RNF123: variants seen among roughly 807,000 people sequenced by gnomAD.
RNF123 encodes the protein E3 ubiquitin-protein ligase RNF123.
Under a neutral mutation model 168.5 loss-of-function variants are expected in RNF123, and 86 were observed. The observed-to-expected ratio is 0.51, with a 90% CI of 0.43 to 0.61. The LOEUF is 0.61. Ranked by LOEUF, RNF123 falls within the 20% of genes least tolerant of loss-of-function variation. The pLI, the probability that RNF123 is intolerant of heterozygous loss-of-function variation, is 0.00. For synonymous variants in RNF123, 666 were observed against 689.1 expected, an observed-to-expected ratio of 0.97 and a Z score of 0.52; for missense variants, 1,419 against 1,729.7, an observed-to-expected ratio of 0.82 and a Z score of 3.19.
chr3:49,713,300 G>A, intron 27 of RNF123: 2 of 601,362 alleles, frequency 3.3e-6, no homozygotes, highest in East Asian at 2.8e-5. Flanking sequence ...GCTCCTGCCA[G>A]GGCCTGTCAT....
At chr3:49,690,917 G>A (rs1190167426) in intron 1 of RNF123, among the ~76,000 whole-genome samples, 1 of 152,204 alleles carries the variant, frequency 6.6e-6, no homozygotes, top group Non-Finnish European at 1.5e-5. Context: ...CAGGGACACT[G>A]GAGAACAAGA....
At position 49,702,339 on chromosome 3, in the gene RNF123, A is replaced by C; in HGVS notation, c.1563A>C (p.Glu521Asp). ...LLDNKDDNGGEASRYIFLTKF... is the reference protein window; with the variant it reads ...LLDNKDDNGGDASRYIFLTKF... Reference sequence around the variant, plus strand: ...CACTTTTCCCTCTCTCAAAGGGTGAAGCTTCTAGGTATATCTTCCTGACCA... The same window carrying C: ...CACTTTTCCCTCTCTCAAAGGGTGACGCTTCTAGGTATATCTTCCTGACCA... Residue 521 changes from glutamate (E) to aspartate (D), a missense_variant, in exon 19 of 39, where the codon GAA becomes GAC. Physicochemically the swap from Glu to Asp is conservative, Grantham distance 45. Around this residue, in one of 5 missense-constraint regions of RNF123, gnomAD observed 349 missense variants for 344.9 expected, o/e 1.01. Coordinates refer to ENST00000327697, the MANE Select transcript of RNF123 (RefSeq NM_022064.5). 1 of 1,614,144 alleles carries C rather than the reference A, an allele frequency of 6.2e-7. No homozygotes were observed. Among genetic ancestry groups the C allele is most frequent in the Non-Finnish European group, 8.5e-7 (1 of 1,179,994 alleles).
At chr3:49,710,102 C>T (rs1037247374) in intron 26 of RNF123, among the ~76,000 whole-genome samples, 7 of 152,034 alleles carry the variant, frequency 4.6e-5, no homozygotes, top group Non-Finnish European at 7.4e-5. Flanking sequence ...TCCCAAAGTG[C>T]GGGGATTATA....
Position 49,691,266 on chromosome 3 carries a change from G to A in RNF123, c.82+19G>A. On this transcript the variant is annotated intron_variant, in intron 2 of 38. Coordinates refer to ENST00000327697, the MANE Select transcript of RNF123 (RefSeq NM_022064.5). Reference sequence around the variant, plus strand: ...GTCACAGGTAAGAGCTGGCAGGGAAGGAAGGAGGCTCCTCTTGTTGGGAGG... The same window carrying A: ...GTCACAGGTAAGAGCTGGCAGGGAAAGAAGGAGGCTCCTCTTGTTGGGAGG... 1.2e-6 allele frequency: 2 copies of A among 1,612,112 alleles called. No individual in the cohort carries two copies. The highest frequency in any genetic ancestry group is 1.7e-6 in the Non-Finnish European group (2 of 1,178,230).
rs186846417 is a variant in RNF123, at chr3:49,690,743, G to T, written c.-36-387G>T. On this transcript the variant is annotated intron_variant, in intron 1 of 38. Transcript: ENST00000327697. ...GTAGGATTGTCGCTTCTGGTTGTGA[G>T]CTGGACTCAGTATGGCTTACAACTG... 2.4e-4 allele frequency among the ~76,000 whole-genome samples: 37 copies of T among 152,364 alleles called. No homozygotes were observed. The East Asian group carries it at 6.2e-3, about 25-fold the overall frequency.
At chr3:49,706,192 AG>A in intron 25 of RNF123, 127 bp downstream of exon 25, 1 of 826,572 alleles carries the variant, frequency 1.2e-6, no homozygotes, top group Non-Finnish European at 2.0e-6. Context: ...ATAGCACGCC[AG>A]TGAGAGTGGG....
chr3:49,702,249 G>A, intron 18 of RNF123, 85 bp from the exon 19 acceptor site: 1 of 1,589,520 alleles, frequency 6.3e-7, no homozygotes, highest in Non-Finnish European at 8.6e-7. Flanking sequence ...CATGGCAGGG[G>A]CTGGGGGAAG....
rs768606593 is a variant in RNF123 at position 49,700,684 on chromosome 3, C to T, written c.1252C>T (p.Arg418Cys). 1.7e-5 allele frequency: 28 copies of T among 1,614,066 alleles called. No homozygotes were observed. Among genetic ancestry groups the T allele is most frequent in the Non-Finnish European group, 2.0e-5 (24 of 1,180,036 alleles). Residue 418 changes from arginine to cysteine, a missense_variant, in exon 15 of 39, where the codon CGC (arginine) becomes TGC (cysteine). By Grantham distance (180) the Arg-to-Cys change is radical. This residue lies in a region of RNF123 where 349 missense variants were observed against 344.9 expected (regional missense o/e 1.01). Coordinates refer to ENST00000327697, the MANE Select transcript of RNF123 (RefSeq NM_022064.5). ...CGCCATCCTGAGGCATGAGAAGTCC[C>T]GCAAGTTTCTGCTTAGCAATGTCCT... The part of the protein sequence containing the change: ...TIAILRHEKS[R>C]KFLLSNVLFD...
At position 49,720,568 on chromosome 3, in the gene RNF123, A is replaced by G. The variant is rs754053523; in HGVS notation, c.3558A>G (p.Ile1186Met). Reference sequence around the variant, plus strand: ...ATCCCTGCTTCCAGCTACGCTCAATATGCTATCTCCTGGGACAGCCAGAGC... The same window carrying G: ...ATCCCTGCTTCCAGCTACGCTCAATGTGCTATCTCCTGGGACAGCCAGAGC... ...LADPCFQLRSICYLLGQPEPP... is the reference protein window; with the variant it reads ...LADPCFQLRSMCYLLGQPEPP... Residue 1186 changes from isoleucine to methionine, a missense_variant, in exon 36 of 39, where the codon ATA becomes ATG. This residue lies in a region of RNF123 where 164 missense variants were observed against 152.3 expected (regional missense o/e 1.08). Transcript: ENST00000327697. 3.1e-6 allele frequency: 5 copies of G among 1,612,058 alleles called. No individual in the cohort carries two copies. Among genetic ancestry groups the G allele is most frequent in the African/African-American group, 1.3e-5 (1 of 74,992 alleles).
At chr3:49,700,119 G>A (rs2054349473) in intron 12 of RNF123, 108 bp from the exon 13 acceptor site, 18 of 1,499,394 alleles carry the variant, frequency 1.2e-5, no homozygotes, top group Non-Finnish European at 1.6e-5. Context: ...TTGCTCGAGT[G>A]GCTCAAGGCT....
At chr3:49,718,453 G>A (rs1293779728) in intron 35 of RNF123, 1 of 1,612,764 alleles carries the variant, frequency 6.2e-7, no homozygotes, top group Non-Finnish European at 8.5e-7. Flanking sequence ...GTTGCCTATG[G>A]CCAAGCTGCC....
chr3:49,719,406 G>C (rs766352996), intron 35 of RNF123: 2 of 1,613,500 alleles, frequency 1.2e-6, no homozygotes, highest in East Asian at 4.5e-5. Context: ...CGGAGTCCGG[G>C]GTGCCTAACC....
rs537662999 is a variant in RNF123, at chr3:49,718,350, G to C, written c.3500+1873G>C. ...AAGCCTCGGGCTCTGGGCGCGGAAA[G>C]TGCACGCTCACGTTGTACTCGTGCG... On this transcript the variant is annotated intron_variant, in intron 35 of 38. Coordinates refer to ENST00000327697, the MANE Select transcript of RNF123 (RefSeq NM_022064.5). 2.5e-5 allele frequency: 40 copies of C among 1,613,386 alleles called. No individual in the cohort carries two copies. The East Asian group carries it at 8.5e-4, about 34-fold the overall frequency.
chr3:49,716,072 T>A (rs2080238210), intron 33 of RNF123, 30 bp from the exon 34 acceptor site: 1 of 1,613,482 alleles, frequency 6.2e-7, no homozygotes, highest in African/African-American at 1.3e-5. Context: ...ACGCTCCCCA[T>A]CCACCAATGG....
intron 32 of RNF123, 30 bp from the exon 33 acceptor site, chr3:49,715,792 C>T (rs1164399891): frequency 9.9e-6 from 16 of 1,613,608 alleles, no homozygotes; most frequent in Non-Finnish European, 1.4e-5. Context: ...CAGGTGCTGA[C>T]CACTGCATGC....
At chr3:49,713,454 C>T in intron 27 of RNF123, 59 bp from the exon 28 acceptor site, 1 of 1,513,160 alleles carries the variant, frequency 6.6e-7, no homozygotes, top group South Asian at 1.2e-5. Flanking sequence ...ACCCTGCTGA[C>T]ATGCCTGCCT....
intron 26 of RNF123, among the ~76,000 whole-genome samples, chr3:49,708,390 C>T (rs377522558): frequency 8.5e-5 from 13 of 152,250 alleles, no homozygotes; most frequent in African/African-American, 3.1e-4. Flanking sequence ...CCTCCCTTCC[C>T]CAGCTTCCCT....
intron 3 of RNF123, among the ~76,000 whole-genome samples, chr3:49,693,957 T>G (rs1190795153): frequency 6.6e-6 from 1 of 152,222 alleles, no homozygotes; most frequent in East Asian, 1.9e-4. Context: ...ATTATTAGTT[T>G]TTTTCCTATA....
At chr3:49,718,071 ATT>A in intron 35 of RNF123, 1 of 1,613,628 alleles carries the variant, frequency 6.2e-7, no homozygotes, top group Non-Finnish European at 8.5e-7. Context: ...GCACGCGGCC[ATT>A]GAGGCCCCTC....
Sources: gnomAD v4.1 joint callset for allele counts (sites outside exome capture counted in the v4.1 genomes callset) on GRCh38, gnomAD v4.1.1 for gene constraint, gnomAD v4.1.1 regional missense constraint, MANE v1.5 for transcripts, NCBI Gene and HGNC (gene_info 2026-07-23, HGNC 2026-07-21) for gene names.